STXBP6: variants seen among roughly 807,000 people sequenced by gnomAD.
The protein encoded by STXBP6 is syntaxin-binding protein 6.
In STXBP6, 21 loss-of-function variants were observed where a neutral mutation model predicts 26.9. The observed-to-expected ratio is 0.78, with a 90% CI of 0.55 to 1.12. STXBP6 has a LOEUF of 1.12. Among genes scored for constraint, STXBP6 ranks in the 50% most tolerant of loss-of-function variants. STXBP6 has a pLI of 0.00. For missense variants in STXBP6, 232 were observed against 257.9 expected, an observed-to-expected ratio of 0.90 and a Z score of 0.69; for synonymous variants, 97 against 92.6, an observed-to-expected ratio of 1.05 and a Z score of -0.27.
At chr14:24,953,131 A>T (rs1279053857) in intron 2 of STXBP6, among the ~76,000 whole-genome samples, 3 of 151,376 alleles carry the variant, frequency 2.0e-5, no homozygotes, top group African/African-American at 7.3e-5. Context: ...AGCTGCCAAC[A>T]CTCCTTGACT....
At chr14:25,038,858 G>A (rs2075596413) in intron 1 of STXBP6, among the ~76,000 whole-genome samples, 2 of 152,112 alleles carry the variant, frequency 1.3e-5, no homozygotes, top group African/African-American at 4.8e-5. Flanking sequence ...AGTTACCAGG[G>A]GAGGAGATGG....
At chr14:24,922,976 T>C (rs1476111402) in intron 2 of STXBP6, among the ~76,000 whole-genome samples, 1 of 152,110 alleles carries the variant, frequency 6.6e-6, no homozygotes, top group Non-Finnish European at 1.5e-5. Context: ...CATTTTAATG[T>C]ATAATATGAA....
intron 2 of STXBP6, among the ~76,000 whole-genome samples, chr14:24,895,564 TA>T (rs1229036964): frequency 6.6e-6 from 1 of 152,216 alleles, no homozygotes; most frequent in African/African-American, 2.4e-5. Flanking sequence ...AAATGCTTTC[TA>T]GTAGAGGTCC....
chr14:25,033,688 A>T (rs1470891819), intron 1 of STXBP6, among the ~76,000 whole-genome samples: 4 of 152,100 alleles, frequency 2.6e-5, no homozygotes, highest in African/African-American at 9.7e-5. Context: ...AACTGCCCTA[A>T]TTTATTTGAC....
At chr14:24,948,128 T>C (rs116213987) in intron 2 of STXBP6, among the ~76,000 whole-genome samples, 134 of 152,232 alleles carry the variant, frequency 8.8e-4, no homozygotes, top group African/African-American at 3.1e-3. Context: ...CCCACTTCTC[T>C]CCGGAGAAAG....
intron 2 of STXBP6, among the ~76,000 whole-genome samples, chr14:24,939,682 A>G (rs564888877): frequency 6.6e-6 from 1 of 152,360 alleles, no homozygotes; most frequent in East Asian, 1.9e-4. Context: ...AATGTGGGTA[A>G]CATTCATTTT....
At chr14:24,859,305 G>C (rs932172960) in intron 2 of STXBP6, among the ~76,000 whole-genome samples, 2 of 152,074 alleles carry the variant, frequency 1.3e-5, no homozygotes, top group Admixed American at 1.3e-4. Context: ...TTGGAGTCTG[G>C]CTAGTTTTCC....
chr14:25,019,707 T>C (rs377633730), intron 1 of STXBP6, among the ~76,000 whole-genome samples: 1 of 152,298 alleles, frequency 6.6e-6, no homozygotes, highest in East Asian at 1.9e-4. Context: ...CTTTCCAGAA[T>C]CAGTAACAAA....
In STXBP6 at chr14:24,986,833, A is replaced by G. The variant is rs551347444; in HGVS notation, c.-32-11983T>C. Among the ~76,000 whole-genome samples, 23 of 152,332 alleles carry G rather than the reference A, an allele frequency of 1.5e-4. 1 individual carries two copies. The South Asian group carries it at 4.8e-3, about 32-fold the overall frequency. On this transcript the variant is annotated intron_variant, in intron 1 of 5. Coordinates refer to ENST00000323944, the MANE Select transcript of STXBP6 (RefSeq NM_001394410.1). ...CCTTGGTTAGGATTGAGCACATTCA[A>G]TGGTGAAATCTCCATGTGAGTGGAA...
chr14:25,021,289 G>A (rs1595334864), intron 1 of STXBP6, among the ~76,000 whole-genome samples: 1 of 151,942 alleles, frequency 6.6e-6, no homozygotes, highest in Non-Finnish European at 1.5e-5. Context: ...ACCTTTTCAG[G>A]CTCACATGAT....
chr14:24,951,269 T>A (rs2073160676), intron 2 of STXBP6, among the ~76,000 whole-genome samples: 1 of 152,218 alleles, frequency 6.6e-6, no homozygotes, highest in African/African-American at 2.4e-5. Context: ...ATGGGATTGC[T>A]GGGTCAAATG....
chr14:24,931,752 T>C (rs2072418556), intron 2 of STXBP6, among the ~76,000 whole-genome samples: 1 of 152,044 alleles, frequency 6.6e-6, no homozygotes, highest in Non-Finnish European at 1.5e-5. Context: ...GGCTGGATAA[T>C]GTGACTGTGG....
chr14:24,849,911 T>C (rs932385492), intron 4 of STXBP6, among the ~76,000 whole-genome samples: 2 of 152,156 alleles, frequency 1.3e-5, no homozygotes, highest in African/African-American at 4.8e-5. Context: ...GACTTTATTC[T>C]TGAGAAATAA....
chr14:24,866,719 C>T lies in STXBP6; in HGVS notation c.155-9562G>A, dbSNP rs144897037. Among the ~76,000 whole-genome samples the T allele has an allele frequency of 3.1e-3, 470 of 151,430 alleles. 2 individuals carry two copies. Among genetic ancestry groups the T allele is most frequent in the African/African-American group, 0.011 (435 of 41,346 alleles). ...TTAATGTTGTTAAGATGGCAATAAT[C>T]CTCAAACAAACCATGGTATGTCTGT... On this transcript the variant is annotated intron_variant, in intron 2 of 5. Transcript: ENST00000323944.
At chr14:24,906,932 A>C (rs776653999) in intron 2 of STXBP6, among the ~76,000 whole-genome samples, 1 of 152,184 alleles carries the variant, frequency 6.6e-6, no homozygotes, top group Non-Finnish European at 1.5e-5. Flanking sequence ...TACAAACAGT[A>C]CTATCATTCG....
chr14:24,972,572 C>T (rs2140187840), intron 2 of STXBP6, among the ~76,000 whole-genome samples: 1 of 152,312 alleles, frequency 6.6e-6, no homozygotes, highest in South Asian at 2.1e-4. Flanking sequence ...TAGAGCTTAA[C>T]AAAATTAGAA....
In STXBP6 at chr14:24,870,270, G is replaced by T. The variant is rs375625145; in HGVS notation, c.155-13113C>A. On this transcript the variant is annotated intron_variant, in intron 2 of 5. Coordinates refer to ENST00000323944, the MANE Select transcript of STXBP6 (RefSeq NM_001394410.1). ...GTACTTAACGAGGGGCCAAATATGT[G>T]AAGTCCCTAGATCAACAAAACACTG... 7.9e-4 allele frequency among the ~76,000 whole-genome samples: 120 copies of T among 152,238 alleles called. 2 individuals carry two copies. In the East Asian group the frequency reaches 0.013, roughly 16 times the overall value.
At chr14:24,931,385 GA>G (rs1175335808) in intron 2 of STXBP6, among the ~76,000 whole-genome samples, 1 of 151,442 alleles carries the variant, frequency 6.6e-6, no homozygotes, top group African/African-American at 2.4e-5. Flanking sequence ...TAAAGCATAA[GA>G]AAAAAAAGTA....
intron 1 of STXBP6, among the ~76,000 whole-genome samples, chr14:25,008,585 A>G (rs1419867592): frequency 6.6e-6 from 1 of 152,232 alleles, no homozygotes; most frequent in South Asian, 2.1e-4. Context: ...GTTGCTTGAT[A>G]GAACTTTAAA....
Sources: gnomAD v4.1 joint callset for allele counts (sites outside exome capture counted in the v4.1 genomes callset) on GRCh38, gnomAD v4.1.1 for gene constraint, MANE v1.5 for transcripts, NCBI Gene and HGNC (gene_info 2026-07-23, HGNC 2026-07-21) for gene names.